Variants in ZNF521 observed in about 807,000 individuals in gnomAD.
ZNF521 encodes the protein zinc finger protein 521.
ZNF521 carries 14 observed loss-of-function variants against 105.5 expected under a neutral mutation model. The ratio of observed to expected loss-of-function variants is 0.13; its 90% CI spans 0.09 to 0.21. ZNF521 has a LOEUF of 0.21. ZNF521 is among the 10% of genes least tolerant of loss of function. ZNF521 has a pLI of 1.00. For synonymous variants in ZNF521, 635 were observed against 606.0 expected, an observed-to-expected ratio of 1.05 and a Z score of -0.70; for missense variants, 1,233 against 1,629.7, an observed-to-expected ratio of 0.76 and a Z score of 4.19.
At chr18:25,233,247 A>T (rs1223586113) in intron 3 of ZNF521, among the ~76,000 whole-genome samples, 1 of 152,198 alleles carries the variant, frequency 6.6e-6, no homozygotes, top group Non-Finnish European at 1.5e-5. Flanking sequence ...AAAAACTATT[A>T]TACATTATTA....
At chr18:25,331,562 A>G (rs376729935) in intron 2 of ZNF521, among the ~76,000 whole-genome samples, 6 of 152,220 alleles carry the variant, frequency 3.9e-5, no homozygotes, top group African/African-American at 1.4e-4. Flanking sequence ...AGTTTCCCCA[A>G]GCAAAGAAAA....
chr18:25,153,659 C>T (rs966318268), intron 5 of ZNF521, among the ~76,000 whole-genome samples: 23 of 152,166 alleles, frequency 1.5e-4, no homozygotes, highest in Admixed American at 1.3e-3. Context: ...CTGTCAGGAC[C>T]GAACTTCACA....
Position 25,221,530 on chromosome 18 carries a change from C to T in ZNF521, c.3573+2815G>A, listed in dbSNP as rs141371720. On this transcript the variant is annotated intron_variant, in intron 4 of 7. Coordinates refer to ENST00000361524, the MANE Select transcript of ZNF521 (RefSeq NM_015461.3). ...TACCTATGTATCCAGGTTTTCTTAT[C>T]TCCTGTGATTTTCTTTTCACTTCTG... Among the ~76,000 whole-genome samples the T allele has an allele frequency of 1.9e-3, 283 of 152,242 alleles. 1 individual carries two copies. The highest frequency in any genetic ancestry group is 6.1e-3 in the African/African-American group (252 of 41,558).
chr18:25,307,002 C>G (rs987427791), intron 3 of ZNF521, among the ~76,000 whole-genome samples: 2 of 152,158 alleles, frequency 1.3e-5, no homozygotes, highest in African/African-American at 4.8e-5. Context: ...ACTTCCAAAC[C>G]TGCTTCTTTA....
intron 3 of ZNF521, among the ~76,000 whole-genome samples, chr18:25,281,585 T>G (rs548738273): frequency 2.0e-4 from 30 of 152,352 alleles, no homozygotes; most frequent in Non-Finnish European, 3.7e-4. Context: ...GTGTCTGACA[T>G]GCATAATCTC....
chr18:25,200,319 G>GATTC (rs1471001685), intron 4 of ZNF521, among the ~76,000 whole-genome samples: 1 of 152,032 alleles, frequency 6.6e-6, no homozygotes, highest in East Asian at 1.9e-4. Flanking sequence ...TCTTGACTAA[G>GATTC]ATTCATAGGA....
At chr18:25,326,673 A>G (rs572021058) in intron 2 of ZNF521, among the ~76,000 whole-genome samples, 1 of 152,350 alleles carries the variant, frequency 6.6e-6, no homozygotes, top group East Asian at 1.9e-4. Flanking sequence ...GGAGATATAA[A>G]TGAGGTTTTT....
chr18:25,172,259 C>T (rs2035462027), intron 5 of ZNF521, among the ~76,000 whole-genome samples: 2 of 152,210 alleles, frequency 1.3e-5, no homozygotes, highest in South Asian at 2.1e-4. Context: ...TAAAATGCTG[C>T]TTGTGGCTCT....
intron 5 of ZNF521, among the ~76,000 whole-genome samples, chr18:25,148,155 G>A (rs2034979920): frequency 6.6e-6 from 1 of 151,998 alleles, no homozygotes; most frequent in Non-Finnish European, 1.5e-5. Flanking sequence ...AAATATAAAT[G>A]GGAAAAAAGA....
chr18:25,186,811 A>G (rs1423174534), intron 5 of ZNF521, among the ~76,000 whole-genome samples: 1 of 151,440 alleles, frequency 6.6e-6, no homozygotes, highest in Non-Finnish European at 1.5e-5. Context: ...CACAGTGAAC[A>G]CTCCATGGTA....
At chr18:25,317,762 A>T (rs1912720999) in intron 3 of ZNF521, among the ~76,000 whole-genome samples, 1 of 152,216 alleles carries the variant, frequency 6.6e-6, no homozygotes, top group Non-Finnish European at 1.5e-5. Context: ...AATATATATG[A>T]GCTAGAAAAT....
intron 3 of ZNF521, among the ~76,000 whole-genome samples, chr18:25,235,559 A>G (rs1237146990): frequency 1.3e-5 from 2 of 152,234 alleles, no homozygotes; most frequent in Admixed American, 6.5e-5. Flanking sequence ...CATCTGGTCT[A>G]ACAGAATGTT....
chr18:25,066,298 G>C (rs894849597), intron 7 of ZNF521, among the ~76,000 whole-genome samples: 1 of 152,168 alleles, frequency 6.6e-6, no homozygotes. Flanking sequence ...AAACAACCCC[G>C]CCATGGGATT....
intron 5 of ZNF521, among the ~76,000 whole-genome samples, chr18:25,151,083 C>A (rs1159086483): frequency 6.6e-6 from 1 of 151,996 alleles, no homozygotes. Context: ...AGCCACCGCA[C>A]CTGGCCCTGA....
intron 5 of ZNF521, among the ~76,000 whole-genome samples, chr18:25,105,181 C>T (rs1008317641): frequency 6.6e-6 from 1 of 152,038 alleles, no homozygotes; most frequent in Non-Finnish European, 1.5e-5. Context: ...AAGGGAACAT[C>T]GAGAGGAAGG....
intron 5 of ZNF521, among the ~76,000 whole-genome samples, chr18:25,182,132 G>T (rs1421236968): frequency 2.0e-5 from 3 of 152,114 alleles, no homozygotes; most frequent in Non-Finnish European, 4.4e-5. Context: ...TGGACAGAAG[G>T]TAGTGATTCA....
chr18:25,302,476 G>A (rs1911700901), intron 3 of ZNF521, among the ~76,000 whole-genome samples: 1 of 152,164 alleles, frequency 6.6e-6, no homozygotes, highest in Admixed American at 6.5e-5. Flanking sequence ...CATATTTTGT[G>A]ATACTTTCCT....
intron 3 of ZNF521, among the ~76,000 whole-genome samples, chr18:25,310,797 C>T (rs1211700383): frequency 6.6e-6 from 1 of 151,960 alleles, no homozygotes; most frequent in Non-Finnish European, 1.5e-5. Context: ...CAAAAATAAC[C>T]CATATAATTA....
chr18:25,222,241 C>T (rs925188241), intron 4 of ZNF521, among the ~76,000 whole-genome samples: 8 of 151,980 alleles, frequency 5.3e-5, no homozygotes, highest in Non-Finnish European at 7.4e-5. Context: ...AAGTATTATC[C>T]TATGTAAGTG....
Sources: gnomAD v4.1 joint callset for allele counts (sites outside exome capture counted in the v4.1 genomes callset) on GRCh38, gnomAD v4.1.1 for gene constraint, MANE v1.5 for transcripts, NCBI Gene and HGNC (gene_info 2026-07-23, HGNC 2026-07-21) for gene names.